The following ZNF528 variants were observed in gnomAD, a reference collection of about 807,000 sequenced individuals.
ZNF528 encodes zinc finger protein 528.
ZNF528 carries 9 observed loss-of-function variants against 13.3 expected under a neutral mutation model. The ratio of observed to expected loss-of-function variants is 0.67; its 90% CI spans 0.41 to 1.18. The LOEUF (loss-of-function observed/expected upper bound fraction) is 1.18, where lower values mean the gene tolerates loss of function less well. Ranked by LOEUF, ZNF528 falls within the 50% of genes most tolerant of loss-of-function variation. The pLI, the probability that ZNF528 is intolerant of heterozygous loss-of-function variation, is 0.01. For synonymous variants in ZNF528, 264 were observed against 254.3 expected (o/e 1.04, Z -0.36); for missense variants, 858 against 745.4 (o/e 1.15, Z -1.76).
Position 52,416,746 on chromosome 19 carries a change from C to T in ZNF528, c.*7C>T, listed in dbSNP as rs368678288. 142 of 1,494,126 alleles carry T rather than the reference C, an allele frequency of 9.5e-5. No homozygotes were observed. Among genetic ancestry groups the T allele is most frequent in the Non-Finnish European group, 1.3e-4 (139 of 1,111,672 alleles). 92.6% of individuals were successfully genotyped at this position (1,494,126 alleles called of 1,614,324 possible). On this transcript the variant is annotated 3_prime_UTR_variant, in exon 7 of 7. Transcript: ENST00000360465. ...TCAGAGAGTTCATTCATGAGAGTCC[C>T]TACAAACTGTATGGCAAAACCATCA...
In ZNF528 at chr19:52,415,371, TC is replaced by T. The variant is rs1355084037; in HGVS notation, c.521del (p.Pro174HisfsTer32). 6.2e-7 allele frequency: 1 copy of T among 1,613,696 alleles called. No homozygotes were observed. The highest frequency in any genetic ancestry group is 8.5e-7 in the Non-Finnish European group (1 of 1,179,938). ...RNNFDHAPLL[P>X]QEQKAHIREK... is the part of the protein sequence containing the mutation. ...ATAATTTTGATCATGCTCCATTACT[TC>T]CACAAGAACAGAAAGCACACATTAG... On this transcript the variant is annotated frameshift_variant, in exon 7 of 7. Coordinates refer to ENST00000360465, the MANE Select transcript of ZNF528 (RefSeq NM_032423.3). LOFTEE classifies it low-confidence loss of function (END_TRUNC).
rs1441659319 is a variant in ZNF528 at position 52,418,361 on chromosome 19, C to G, written c.*1622C>G. 6.6e-6 allele frequency: 1 copy of G among 152,164 alleles called. No individual in the cohort carries two copies. Among genetic ancestry groups the G allele is most frequent in the Non-Finnish European group, 1.5e-5 (1 of 68,028 alleles). The allele number at this position is 152,164 out of a possible 1,614,324, so 9.4% of individuals were successfully genotyped here. A position where few individuals can be genotyped will look rare whatever the true frequency, so the allele number is the denominator to read the frequency against. On this transcript the variant is annotated 3_prime_UTR_variant, in exon 7 of 7. Coordinates refer to ENST00000360465, the MANE Select transcript of ZNF528 (RefSeq NM_032423.3). Reference sequence around the variant, plus strand: ...GCAACCATTTGATTTAGAATGTATGCAGCTCTCATGTTTGTAGTAATAAAG... The same window carrying G: ...GCAACCATTTGATTTAGAATGTATGGAGCTCTCATGTTTGTAGTAATAAAG...
At chr19:52,400,980 T>TC (rs2058787031) in intron 2 of ZNF528, among the ~76,000 whole-genome samples, 1 of 152,198 alleles carries the variant, frequency 6.6e-6, no homozygotes, top group Non-Finnish European at 1.5e-5. Context: ...CTTATCAGTT[T>TC]CCTCTGCTGC....
chr19:52,406,676 A>T (rs2058860441), intron 6 of ZNF528, 33 bp downstream of exon 6: 4 of 1,582,334 alleles, frequency 2.5e-6, no homozygotes, highest in Non-Finnish European at 3.4e-6. Context: ...TGGAGGCCCC[A>T]TAATTTTTGT....
At chr19:52,401,662 C>CTTTTTTTT (rs34244828) in intron 2 of ZNF528, 23 bp from the exon 3 acceptor site, 28 of 906,934 alleles carry the variant, frequency 3.1e-5, no homozygotes, top group African/African-American at 1.0e-4. Context: ...TGAAGAATTG[C>CTTTTTTTT]TTTTTTTTTT....
Position 52,416,136 on chromosome 19 carries a change from A to G in ZNF528, c.1284A>G (p.Arg428=), listed in dbSNP as rs1208832810. 2 of 1,614,096 alleles carry G rather than the reference A, an allele frequency of 1.2e-6. No homozygotes were observed. Among genetic ancestry groups the G allele is most frequent in the East Asian group, 2.2e-5 (1 of 44,866 alleles). The change falls in exon 7 of 7, where the codon CGA becomes CGG. Residue 428 remains arginine (R), a synonymous_variant. Coordinates refer to ENST00000360465, the MANE Select transcript of ZNF528 (RefSeq NM_032423.3). ...AGAAATCAGACCTTATACGACATCG[A>G]AAAACTCATACTGATGAGAAGCCTT... ...FSQKSDLIRH[R]KTHTDEKPYK...
At position 52,401,758 on chromosome 19, in the gene ZNF528, C is replaced by T; in HGVS notation, c.-68+5C>T. On this transcript the variant is annotated splice_donor_5th_base_variant and intron_variant, in intron 3 of 6. Transcript: ENST00000360465. ...GGAATCCACTCAACAGACGAGGTAC[C>T]TTAACCACATAATGGTTGATTTCCA... 1 of 1,459,116 alleles carries T rather than the reference C, an allele frequency of 6.9e-7. No individual in the cohort carries two copies. The allele number at this position is 1,459,116 out of a possible 1,614,324, so 90.4% of individuals were successfully genotyped here.
intron 6 of ZNF528, chr19:52,414,815 C>T: frequency 1.5e-6 from 1 of 651,576 alleles, no homozygotes; most frequent in Non-Finnish European, 2.5e-6. Context: ...TACAGCTCTT[C>T]TTGGATTTCT....
intron 4 of ZNF528, chr19:52,402,513 C>T (rs2058807244): frequency 6.2e-6 from 1 of 162,240 alleles, no homozygotes; most frequent in African/African-American, 2.4e-5. Flanking sequence ...AAGGATTTTT[C>T]CACCTCAGCT....
chr19:52,415,024 C>G (rs750229977), intron 6 of ZNF528, 100 bp from the exon 7 acceptor site: 41 of 1,577,068 alleles, frequency 2.6e-5, no homozygotes, highest in Non-Finnish European at 3.4e-5. Context: ...GATACTCCTA[C>G]CAATGTCTGA....
chr19:52,405,351 T>G lies in ZNF528; in HGVS notation c.16-556T>G, dbSNP rs57295520. On this transcript the variant is annotated intron_variant, in intron 4 of 6. Transcript: ENST00000360465. ...CTCAAGACCAGCCTGAGCAACATGG[T>G]GAGACACCATATTTATAAAAAATAC... Among the ~76,000 whole-genome samples the G allele has an allele frequency of 9.3e-3, 1,412 of 151,878 alleles. 19 individuals are homozygous for G. The highest frequency in any genetic ancestry group is 0.032 in the African/African-American group (1,328 of 41,416).
At chr19:52,398,952 G>A (rs919401563) in intron 2 of ZNF528, among the ~76,000 whole-genome samples, 26 of 152,262 alleles carry the variant, frequency 1.7e-4, no homozygotes, top group African/African-American at 6.0e-4. Flanking sequence ...GAGACCCCAA[G>A]GGGAGCTGAG....
chr19:52,414,251 A>G (rs1447593559), intron 6 of ZNF528: 6 of 702,272 alleles, frequency 8.5e-6, no homozygotes, highest in South Asian at 3.0e-5. Flanking sequence ...TCAAAGTCCT[A>G]TGTTCGGAGG....
rs571724070 is a variant in ZNF528, at chr19:52,415,472, A to G, written c.620A>G (p.His207Arg). The G allele has an allele frequency of 4.4e-5, 71 of 1,614,226 alleles. No individual in the cohort carries two copies. The Admixed American group carries it at 9.5e-4, about 22-fold the overall frequency. ...ASASLTNQVI[H>R]NADNPYKCSE... ...GCAAGCCTTACTAACCAAGTAATCC[A>G]TAACGCAGATAATCCTTACAAATGC... Residue 207 changes from histidine to arginine, a missense_variant, in exon 7 of 7, where the codon CAT (histidine) becomes CGT (arginine). Physicochemically the swap from His to Arg is conservative, Grantham distance 29 (BLOSUM62 0). Coordinates refer to ENST00000360465, the MANE Select transcript of ZNF528 (RefSeq NM_032423.3).
At chr19:52,404,316 C>T (rs2058829588) in intron 4 of ZNF528, among the ~76,000 whole-genome samples, 1 of 152,194 alleles carries the variant, frequency 6.6e-6, no homozygotes, top group Non-Finnish European at 1.5e-5. Context: ...CAACCTCCGC[C>T]TCCCGGGTTC....
rs1418274990 is a variant in ZNF528 at position 52,405,973 on chromosome 19, G to T, written c.82G>T (p.Ala28Ser). Residue 28 changes from alanine to serine, a missense_variant, in exon 5 of 7, where the codon GCG (alanine) becomes TCG (serine). Coordinates refer to ENST00000360465, the MANE Select transcript of ZNF528 (RefSeq NM_032423.3). Reference sequence around the variant, plus strand: ...GGAAGAGTGGAAATGCCTGGACCCTGCGCAGAGGACTTTATACAGGGACGT... The same window carrying T: ...GGAAGAGTGGAAATGCCTGGACCCTTCGCAGAGGACTTTATACAGGGACGT... Reference protein sequence around the residue: ...SQEEWKCLDPAQRTLYRDVML... With the variant: ...SQEEWKCLDPSQRTLYRDVML... 2 of 1,612,280 alleles carry T rather than the reference G, an allele frequency of 1.2e-6. No individual in the cohort carries two copies. Among genetic ancestry groups the T allele is most frequent in the Admixed American group, 1.7e-5 (1 of 59,976 alleles).
chr19:52,404,061 C>T (rs945348155), intron 4 of ZNF528, among the ~76,000 whole-genome samples: 4 of 151,930 alleles, frequency 2.6e-5, no homozygotes, highest in African/African-American at 9.7e-5. Context: ...TCTTTTGATC[C>T]TGATCTGTTA....
chr19:52,415,302 A>G lies in ZNF528; in HGVS notation c.450A>G (p.Lys150=). The G allele has an allele frequency of 1.2e-6, 2 of 1,613,082 alleles. No homozygotes were observed. Among genetic ancestry groups the G allele is most frequent in the South Asian group, 1.1e-5 (1 of 90,670 alleles). The part of the protein sequence containing the change: ...SDNSSVSPLE[K]ISSSVKSHLL... The stretch of plus-strand genomic sequence containing the variant: ...ATTCCTCAGTTTCACCGCTTGAAAA[A>G]ATTTCTTCCAGTGTCAAATCCCACC... The change falls in exon 7 of 7, where the codon AAA becomes AAG. Residue 150 remains lysine (K), a synonymous_variant. Coordinates refer to ENST00000360465, the MANE Select transcript of ZNF528 (RefSeq NM_032423.3).
intron 4 of ZNF528, 63 bp from the exon 5 acceptor site, chr19:52,405,844 C>A: frequency 6.3e-7 from 1 of 1,588,968 alleles, no homozygotes; most frequent in Non-Finnish European, 8.6e-7. Context: ...ACTGTCTTCC[C>A]ATTCTTTGTG....
Sources: allele counts gnomAD v4.1 joint callset (sites outside exome capture counted in the v4.1 genomes callset), GRCh38; gene constraint gnomAD v4.1.1; transcripts MANE v1.5; gene names NCBI Gene and HGNC (gene_info 2026-07-23, HGNC 2026-07-21).